GPAM: variants seen among roughly 807,000 people sequenced by gnomAD.
The protein encoded by GPAM is glycerol-3-phosphate acyltransferase, mitochondrial.
Under a neutral mutation model 105.0 loss-of-function variants are expected in GPAM, and 56 were observed. That is an observed-to-expected ratio of 0.53 (90% CI 0.43 to 0.67). GPAM has a LOEUF of 0.67. Among genes scored for constraint, GPAM ranks in the 30% least tolerant of loss-of-function variants. The pLI, the probability that GPAM is intolerant of heterozygous loss-of-function variation, is 0.00. For missense variants in GPAM, 855 were observed against 989.8 expected (o/e 0.86, Z 1.83); for synonymous variants, 368 against 354.4 (o/e 1.04, Z -0.43).
At chr10:112,193,546 A>G (rs1847687631) in intron 1 of GPAM, among the ~76,000 whole-genome samples, 1 of 152,190 alleles carries the variant, frequency 6.6e-6, no homozygotes, top group South Asian at 2.1e-4. Flanking sequence ...CATGGGTTAG[A>G]AACTATTATT....
In GPAM at chr10:112,153,811, C is replaced by A. The variant is rs140848655; in HGVS notation, c.2371-145G>T. 758 of 797,090 alleles carry A rather than the reference C, an allele frequency of 9.5e-4. 4 individuals are homozygous for A. The African/African-American group carries it at 0.012, about 12-fold the overall frequency. 49.4% of individuals were successfully genotyped at this position (797,090 alleles called of 1,614,324 possible). On this transcript the variant is annotated intron_variant, in intron 21 of 21. Coordinates refer to ENST00000348367, the MANE Select transcript of GPAM (RefSeq NM_001244949.2). ...ATCCTGGCATTAAGTAAATGTATGCCTGGGTGTGTGTGAGCATGAGGTGGG... is the reference window on the plus strand; with the variant it reads ...ATCCTGGCATTAAGTAAATGTATGCATGGGTGTGTGTGAGCATGAGGTGGG...
chr10:112,168,068 G>A (rs1847249410), intron 11 of GPAM, among the ~76,000 whole-genome samples: 1 of 152,128 alleles, frequency 6.6e-6, no homozygotes, highest in Non-Finnish European at 1.5e-5. Flanking sequence ...ACCAAGGTCG[G>A]CACTGATAAA....
chr10:112,200,808 G>A (rs1404295069), intron 1 of GPAM, among the ~76,000 whole-genome samples: 1 of 152,186 alleles, frequency 6.6e-6, no homozygotes, highest in African/African-American at 2.4e-5. Context: ...GTGGAATACT[G>A]TGTAGCTATT....
intron 1 of GPAM, among the ~76,000 whole-genome samples, chr10:112,213,567 G>A (rs1341801091): frequency 3.0e-4 from 45 of 152,134 alleles, no homozygotes; most frequent in Admixed American, 2.2e-3. Flanking sequence ...CAATGGATCA[G>A]GAAACAAGCA....
chr10:112,195,477 G>A (rs1847712484), intron 1 of GPAM, among the ~76,000 whole-genome samples: 1 of 152,126 alleles, frequency 6.6e-6, no homozygotes, highest in Non-Finnish European at 1.5e-5. Flanking sequence ...AGTGGTCCCT[G>A]CCACATCTCT....
At chr10:112,180,366 G>A (rs1847485563) in intron 4 of GPAM, 107 bp downstream of exon 4, 1 of 1,017,186 alleles carries the variant, frequency 9.8e-7, no homozygotes, top group Non-Finnish European at 1.5e-6. Flanking sequence ...TCATAAACAT[G>A]GGTCTCTGTT....
chr10:112,167,397 T>C (rs1847236857), intron 11 of GPAM, among the ~76,000 whole-genome samples: 1 of 152,200 alleles, frequency 6.6e-6, no homozygotes, highest in Non-Finnish European at 1.5e-5. Context: ...ACCCATCAGT[T>C]CTTCTCCTAG....
chr10:112,199,268 T>C (rs1847764750), intron 1 of GPAM, among the ~76,000 whole-genome samples: 1 of 152,154 alleles, frequency 6.6e-6, no homozygotes, highest in Non-Finnish European at 1.5e-5. Context: ...CTGGAGGGCA[T>C]TATTATATTA....
At chr10:112,163,854 C>G (rs757304441) in intron 13 of GPAM, 38 bp from the exon 14 acceptor site, 11 of 923,202 alleles carry the variant, frequency 1.2e-5, no homozygotes, top group African/African-American at 6.5e-5. Context: ...CAACCGCACT[C>G]TTTTACAAGG....
intron 1 of GPAM, among the ~76,000 whole-genome samples, chr10:112,209,983 G>C (rs1169285001): frequency 6.6e-6 from 1 of 152,176 alleles, no homozygotes; most frequent in Non-Finnish European, 1.5e-5. Context: ...GACAGGGTAG[G>C]GAAAGGGCTC....
chr10:112,153,377 G>C lies in GPAM; in HGVS notation c.*173C>G. 2 of 1,557,972 alleles carry C rather than the reference G, an allele frequency of 1.3e-6. No individual in the cohort carries two copies. The highest frequency in any genetic ancestry group is 1.2e-5 in the South Asian group (1 of 85,024). Reference sequence around the variant, plus strand: ...ATCTGCAGGCTGCTGTGTTGATGCAGAGCTGGGAAGATCACAGATCCATGG... The same window carrying C: ...ATCTGCAGGCTGCTGTGTTGATGCACAGCTGGGAAGATCACAGATCCATGG... On this transcript the variant is annotated 3_prime_UTR_variant, in exon 22 of 22. Coordinates refer to ENST00000348367, the MANE Select transcript of GPAM (RefSeq NM_001244949.2).
intron 17 of GPAM, among the ~76,000 whole-genome samples, chr10:112,159,502 C>T (rs561037087): frequency 1.3e-5 from 2 of 152,184 alleles, no homozygotes; most frequent in African/African-American, 4.8e-5. Flanking sequence ...AGATTACAGG[C>T]GTGAGCCACC....
At chr10:112,167,407 G>C (rs773207584) in intron 11 of GPAM, among the ~76,000 whole-genome samples, 3 of 151,990 alleles carry the variant, frequency 2.0e-5, no homozygotes, top group Non-Finnish European at 4.4e-5. Context: ...TCTTCTCCTA[G>C]GCACATACCC....
chr10:112,175,617 A>G lies in GPAM; in HGVS notation c.396T>C (p.Asn132=). The G allele has an allele frequency of 6.2e-7, 1 of 1,601,264 alleles. No homozygotes were observed. The highest frequency in any genetic ancestry group is 1.1e-5 in the South Asian group (1 of 90,832). Residue 132 remains asparagine (N), a synonymous_variant, in exon 6 of 22, where the codon AAT becomes AAC. Transcript: ENST00000348367. Reference sequence around the variant, plus strand: ...GCCCTTACCTACTGCTGTTCAGCACATTTTCAGTCACATTGGTGGCAAACA... The same window carrying G: ...GCCCTTACCTACTGCTGTTCAGCACGTTTTCAGTCACATTGGTGGCAAACA... ...KGMFATNVTE[N]VLNSSRVQEA...
upstream of GPAM, among the ~76,000 whole-genome samples, chr10:112,187,264 A>G (rs1470766420): frequency 6.6e-6 from 1 of 152,172 alleles, no homozygotes; most frequent in Non-Finnish European, 1.5e-5. Flanking sequence ...CCCTAATTAA[A>G]AGGCAGATAT....
intron 20 of GPAM, 116 bp downstream of exon 20, chr10:112,155,748 T>G: frequency 1.5e-6 from 1 of 660,490 alleles, no homozygotes; most frequent in Middle Eastern, 4.1e-4. Flanking sequence ...AGTAATACTC[T>G]ACGGTGTTAG....
chr10:112,189,001 G>A (rs554831539), intron 1 of GPAM, among the ~76,000 whole-genome samples: 11 of 152,214 alleles, frequency 7.2e-5, no homozygotes, highest in African/African-American at 2.2e-4. Flanking sequence ...ATCCAGATTC[G>A]TTGACCAAAC....
intron 19 of GPAM, 45 bp from the exon 20 acceptor site, chr10:112,156,098 G>A (rs2133225470): frequency 1.5e-6 from 2 of 1,364,880 alleles, no homozygotes; most frequent in East Asian, 2.3e-5. Flanking sequence ...GAAGGGACAA[G>A]AGACACAAGG....
intron 5 of GPAM, 108 bp downstream of exon 5, chr10:112,177,876 T>A (rs1847435261): frequency 1.5e-6 from 1 of 677,390 alleles, no homozygotes; most frequent in Non-Finnish European, 2.7e-6. Flanking sequence ...AAACTCATAT[T>A]CTATTCACTC....
Sources: gnomAD v4.1 joint callset for allele counts (sites outside exome capture counted in the v4.1 genomes callset) on GRCh38, gnomAD v4.1.1 for gene constraint, MANE v1.5 for transcripts, NCBI Gene and HGNC (gene_info 2026-07-23, HGNC 2026-07-21) for gene names.